Variants in FOXP1 observed in about 807,000 individuals in gnomAD.
FOXP1 encodes the protein forkhead box P1.
FOXP1 carries 15 observed loss-of-function variants against 98.2 expected under a neutral mutation model. The ratio of observed to expected loss-of-function variants is 0.15; its 90% CI spans 0.10 to 0.24. The LOEUF (loss-of-function observed/expected upper bound fraction) is 0.24. Ranked by LOEUF, FOXP1 falls within the 10% of genes least tolerant of loss-of-function variation. The probability of loss-of-function intolerance (pLI) is 1.00; values close to 1 mark genes in which losing one functional copy is unlikely to be tolerated. For synonymous variants in FOXP1, 371 were observed against 314.5 expected, an observed-to-expected ratio of 1.18 and a Z score of -1.90; for missense variants, 633 against 848.5, an observed-to-expected ratio of 0.75 and a Z score of 3.15.
At chr3:71,513,390 CAT>C (rs1246960464) in intron 2 of FOXP1, among the ~76,000 whole-genome samples, 1 of 152,122 alleles carries the variant, frequency 6.6e-6, no homozygotes, top group African/African-American at 2.4e-5. Context: ...TAGGAAATCC[CAT>C]AGAGTCTGCC....
chr3:70,960,884 C>T (rs1184208614), intron 20 of FOXP1, among the ~76,000 whole-genome samples: 1 of 150,954 alleles, frequency 6.6e-6, no homozygotes, highest in East Asian at 1.9e-4. Flanking sequence ...CTCTGTCGCC[C>T]AGGCTGGAGT....
chr3:71,015,721 TA>T (rs151011253), intron 11 of FOXP1, 68 bp from the exon 12 acceptor site: 5 of 1,140,216 alleles, frequency 4.4e-6, no homozygotes, highest in African/African-American at 1.5e-5. Context: ...CAGACGAGGA[TA>T]AAAAAGGCAG....
intron 4 of FOXP1, among the ~76,000 whole-genome samples, chr3:71,356,319 C>T (rs767102373): frequency 6.6e-6 from 1 of 151,986 alleles, no homozygotes; most frequent in African/African-American, 2.4e-5. Flanking sequence ...AGGGCTACAG[C>T]AGCTGTATAC....
chr3:71,190,664 A>C (rs897116313), intron 6 of FOXP1, among the ~76,000 whole-genome samples: 9 of 150,922 alleles, frequency 6.0e-5, no homozygotes, highest in African/African-American at 1.9e-4. Context: ...AAAAAAAAGA[A>C]AAAGTTAAAT....
intron 5 of FOXP1, among the ~76,000 whole-genome samples, chr3:71,201,691 T>A (rs2063685361): frequency 6.6e-6 from 1 of 152,004 alleles, no homozygotes; most frequent in Non-Finnish European, 1.5e-5. Context: ...TGTTAGGTAT[T>A]TAAGCAAGAG....
intron 5 of FOXP1, among the ~76,000 whole-genome samples, chr3:71,252,191 A>G (rs2090912): frequency 6.6e-6 from 1 of 152,184 alleles, no homozygotes; most frequent in Admixed American, 6.5e-5. Context: ...ACCATGTAGG[A>G]AAGTGATGCC....
intron 5 of FOXP1, among the ~76,000 whole-genome samples, chr3:71,257,340 G>T (rs1425500884): frequency 6.6e-6 from 1 of 152,150 alleles, no homozygotes; most frequent in East Asian, 1.9e-4. Flanking sequence ...ACTTTGGGAG[G>T]CCGAGATGGG....
chr3:70,977,820 G>C lies in FOXP1; in HGVS notation c.1348+8C>G. ...AACTCTACGTGAGGCAAAAGGTGGA[G>C]TATCTACCTGACGAAATGGGCACGT... On this transcript the variant is annotated splice_region_variant and intron_variant, in intron 15 of 20. Coordinates refer to ENST00000649528, the MANE Select transcript of FOXP1 (RefSeq NM_001349338.3). The C allele has an allele frequency of 6.2e-7, 1 of 1,613,538 alleles. No individual in the cohort carries two copies. The highest frequency in any genetic ancestry group is 1.3e-5 in the African/African-American group (1 of 75,034).
intron 6 of FOXP1, among the ~76,000 whole-genome samples, chr3:71,176,167 C>G (rs1350520139): frequency 6.6e-6 from 1 of 152,142 alleles, no homozygotes; most frequent in Non-Finnish European, 1.5e-5. Flanking sequence ...TAAGAAAACA[C>G]AGAAGGTATT....
rs79934122 is a variant in FOXP1 at position 71,394,140 on chromosome 3, G to T, written c.-167-34896C>A. On this transcript the variant is annotated intron_variant, in intron 3 of 20. Coordinates refer to ENST00000649528, the MANE Select transcript of FOXP1 (RefSeq NM_001349338.3). ...TCCAGAAGAGTCACCAGCTCCCAAA[G>T]AGCAGAATGTAAATTGTTCATATGC... Among the ~76,000 whole-genome samples, 267 of 152,324 alleles carry T rather than the reference G, an allele frequency of 1.8e-3. 1 individual carries two copies. Among genetic ancestry groups the T allele is most frequent in the Non-Finnish European group, 1.8e-3 (120 of 68,030 alleles).
chr3:71,030,034 G>A (rs1192570030), intron 11 of FOXP1, among the ~76,000 whole-genome samples: 1 of 152,164 alleles, frequency 6.6e-6, no homozygotes, highest in Non-Finnish European at 1.5e-5. Context: ...GGTAAGGGCT[G>A]GTAGCATACC....
At chr3:71,506,664 G>A (rs1176343323) in intron 2 of FOXP1, among the ~76,000 whole-genome samples, 1 of 152,114 alleles carries the variant, frequency 6.6e-6, no homozygotes, top group African/African-American at 2.4e-5. Context: ...TGAACAACTG[G>A]GGGAAGCTGG....
At chr3:71,161,388 C>T (rs569477395) in intron 6 of FOXP1, among the ~76,000 whole-genome samples, 1 of 152,258 alleles carries the variant, frequency 6.6e-6, no homozygotes, top group South Asian at 2.1e-4. Context: ...CATCCTCCCT[C>T]CTCTCTCTCC....
chr3:71,544,174 A>G (rs1304585237), intron 2 of FOXP1, among the ~76,000 whole-genome samples: 2 of 151,898 alleles, frequency 1.3e-5, no homozygotes, highest in African/African-American at 4.8e-5. Flanking sequence ...TTAAAAAGAT[A>G]TAAGTACTTA....
intron 5 of FOXP1, chr3:71,210,989 G>C (rs986961145): frequency 5.3e-5 from 8 of 152,168 alleles, no homozygotes; most frequent in African/African-American, 9.6e-5. Flanking sequence ...CCAAAGAGTT[G>C]TAACAATTTC....
At chr3:71,353,561 G>A (rs2077941621) in intron 4 of FOXP1, among the ~76,000 whole-genome samples, 2 of 151,926 alleles carry the variant, frequency 1.3e-5, no homozygotes, top group Non-Finnish European at 2.9e-5. Context: ...TAGTAACCAC[G>A]TTTGATGCCT....
chr3:71,548,168 G>C (rs758274332), intron 2 of FOXP1, among the ~76,000 whole-genome samples: 19 of 152,118 alleles, frequency 1.2e-4, no homozygotes, highest in Non-Finnish European at 2.4e-4. Flanking sequence ...GTGGGTGACT[G>C]GCAGATTATT....
intron 12 of FOXP1, among the ~76,000 whole-genome samples, chr3:71,014,280 A>T (rs941367259): frequency 2.0e-5 from 3 of 152,102 alleles, no homozygotes; most frequent in African/African-American, 4.8e-5. Context: ...ATCTACAAAG[A>T]ACTTAATTTA....
intron 3 of FOXP1, among the ~76,000 whole-genome samples, chr3:71,444,690 T>G (rs1028716648): frequency 2.0e-5 from 3 of 152,204 alleles, no homozygotes; most frequent in African/African-American, 7.2e-5. Context: ...CCTGTTAACC[T>G]TCATAATTGT....
Sources: allele counts gnomAD v4.1 joint callset (sites outside exome capture counted in the v4.1 genomes callset), GRCh38; gene constraint gnomAD v4.1.1; transcripts MANE v1.5; gene names NCBI Gene and HGNC (gene_info 2026-07-23, HGNC 2026-07-21).